The following ZNF592 variants were observed in gnomAD, a reference collection of about 807,000 sequenced individuals.
The protein encoded by ZNF592 is spinocerebellar ataxia, autosomal recessive 5.
ZNF592 carries 11 observed loss-of-function variants against 80.3 expected under a neutral mutation model. That is an observed-to-expected ratio of 0.14 (90% CI 0.09 to 0.23). ZNF592 has a LOEUF of 0.23. Among genes scored for constraint, ZNF592 ranks in the 10% least tolerant of loss-of-function variants. ZNF592 has a pLI of 1.00. For missense variants in ZNF592, 1,420 were observed against 1,633.9 expected (o/e 0.87, Z 2.26); for synonymous variants, 646 against 640.3 (o/e 1.01, Z -0.13).
chr15:84,772,243 C>T (rs953962598), intron 2 of ZNF592, among the ~76,000 whole-genome samples: 2 of 152,094 alleles, frequency 1.3e-5, no homozygotes, highest in African/African-American at 2.4e-5. Flanking sequence ...AGTGGTGTCT[C>T]GATGATTAAT....
In ZNF592 at chr15:84,784,879, A is replaced by G; in HGVS notation, c.2204A>G (p.Glu735Gly). The change falls in exon 4 of 11, where the codon GAG (glutamate) becomes GGG (glycine). Residue 735 changes from glutamate (E) to glycine (G), a missense_variant. Physicochemically the swap from Glu to Gly is moderately conservative, Grantham distance 98 (BLOSUM62 -2). This residue lies in a region of ZNF592 where 524 missense variants were observed against 628.3 expected (regional missense o/e 0.83). Transcript: ENST00000560079. This position sits in a 1 kb window ranked among gnomAD's most constrained non-coding sequence, Gnocchi z 5.8. ...VLAAHFQRTT[E>G]ETEGLTCQVC... Reference sequence around the variant, plus strand: ...GCTGCACATTTCCAGAGGACAACAGAGGAGACAGAGGGGCTGGTAAGCAGA... The same window carrying G: ...GCTGCACATTTCCAGAGGACAACAGGGGAGACAGAGGGGCTGGTAAGCAGA... The G allele has an allele frequency of 1.2e-6, 2 of 1,614,138 alleles. No individual in the cohort carries two copies. The highest frequency in any genetic ancestry group is 1.7e-6 in the Non-Finnish European group (2 of 1,180,020).
rs756464643 is a variant in ZNF592, at chr15:84,783,441, A to G, written c.766A>G (p.Lys256Glu). ...SHPSNSIGES[K>E]GLARELGTCS... ...TCCTAGCAACAGTATTGGAGAGTCC[A>G]AGGGGCTTGCCCGGGAGCTTGGTAC... Residue 256 changes from lysine (K) to glutamate (E), a missense_variant, in exon 4 of 11, where the codon AAG becomes GAG. Lys to Glu is a moderately conservative substitution (Grantham distance 56, BLOSUM62 1). Around this residue, in one of 7 missense-constraint regions of ZNF592, gnomAD observed 373 missense variants for 355.5 expected, o/e 1.05. Transcript: ENST00000560079. The surrounding 1 kb of genome is among the most constrained non-coding windows in gnomAD (Gnocchi z 5.0). 8 of 1,614,062 alleles carry G rather than the reference A, an allele frequency of 5.0e-6. No individual in the cohort carries two copies. Among genetic ancestry groups the G allele is most frequent in the Admixed American group, 1.7e-5 (1 of 59,994 alleles).
chr15:84,765,421 AT>A (rs1899479464), intron 2 of ZNF592, among the ~76,000 whole-genome samples: 2 of 151,752 alleles, frequency 1.3e-5, no homozygotes, highest in Non-Finnish European at 2.9e-5. Context: ...ATTCTGTTTA[AT>A]TTTTTAAGGA....
At chr15:84,779,842 A>G (rs1191777041) in intron 3 of ZNF592, among the ~76,000 whole-genome samples, 3 of 152,118 alleles carry the variant, frequency 2.0e-5, no homozygotes, top group African/African-American at 7.2e-5. Flanking sequence ...GCAACTTCAT[A>G]TTAGATAATA....
chr15:84,759,205 C>T (rs1464284253), intron 1 of ZNF592, among the ~76,000 whole-genome samples: 2 of 152,172 alleles, frequency 1.3e-5, no homozygotes, highest in Non-Finnish European at 2.9e-5. Flanking sequence ...ACTTCGCCCT[C>T]CAGGATTTCC....
intron 1 of ZNF592, among the ~76,000 whole-genome samples, chr15:84,757,662 CTT>C (rs987513571): frequency 1.1e-4 from 15 of 137,848 alleles, no homozygotes; most frequent in Non-Finnish European, 9.5e-5. Context: ...TGCCATTAAT[CTT>C]TTTTTTTTTT....
At chr15:84,760,373 T>A (rs1475932578) in intron 1 of ZNF592, among the ~76,000 whole-genome samples, 1 of 152,204 alleles carries the variant, frequency 6.6e-6, no homozygotes, top group Admixed American at 6.5e-5. Context: ...GCTCTCTCAC[T>A]TCAGAACTGA....
At chr15:84,774,252 A>C (rs1024343200) in intron 2 of ZNF592, among the ~76,000 whole-genome samples, 3 of 152,234 alleles carry the variant, frequency 2.0e-5, no homozygotes, top group African/African-American at 7.2e-5. Flanking sequence ...TATTGCTTCT[A>C]CAAATACTTA....
At chr15:84,788,582 G>A (rs916289888) in intron 4 of ZNF592, among the ~76,000 whole-genome samples, 2 of 152,126 alleles carry the variant, frequency 1.3e-5, no homozygotes, top group African/African-American at 4.8e-5. Flanking sequence ...TACACGTAAT[G>A]TAAAATTTCC....
At chr15:84,751,215 A>G (rs902873502) in intron 1 of ZNF592, among the ~76,000 whole-genome samples, 7 of 152,242 alleles carry the variant, frequency 4.6e-5, no homozygotes, top group African/African-American at 1.7e-4. Flanking sequence ...AGACTTCTGC[A>G]TACATTATTG....
chr15:84,777,475 CAAAA>C (rs549871970), intron 2 of ZNF592, among the ~76,000 whole-genome samples: 1 of 55,116 alleles, frequency 1.8e-5, no homozygotes. Flanking sequence ...GACTCCGTCT[CAAAA>C]AAAAAAAAAA....
At chr15:84,761,675 A>T (rs1209336259) in intron 1 of ZNF592, among the ~76,000 whole-genome samples, 1 of 152,134 alleles carries the variant, frequency 6.6e-6, no homozygotes, top group African/African-American at 2.4e-5. Context: ...CCTTCACCTC[A>T]CGGGCTGTAA....
At chr15:84,750,089 A>C (rs974218046) in intron 1 of ZNF592, among the ~76,000 whole-genome samples, 6 of 152,148 alleles carry the variant, frequency 3.9e-5, no homozygotes, top group Non-Finnish European at 7.4e-5. Flanking sequence ...ATCGCCTGAG[A>C]TCAGGAGTTC....
intron 10 of ZNF592, 118 bp from the exon 11 acceptor site, chr15:84,801,745 G>A (rs1963100696): frequency 4.1e-6 from 6 of 1,461,898 alleles, no homozygotes; most frequent in African/African-American, 1.4e-5. Context: ...CAGCGTTCAG[G>A]GCTGGGGTGA....
chr15:84,801,815 A>G (rs768346060), intron 10 of ZNF592, 48 bp from the exon 11 acceptor site: 1 of 1,613,852 alleles, frequency 6.2e-7, no homozygotes, highest in South Asian at 1.1e-5. Context: ...CTAGGGGCTC[A>G]TGTCCAGGGC....
chr15:84,768,234 T>TTTC (rs1899593487), intron 2 of ZNF592, among the ~76,000 whole-genome samples: 36 of 131,416 alleles, frequency 2.7e-4, no homozygotes, highest in South Asian at 5.0e-4. Flanking sequence ...TTCTTTCTTT[T>TTTC]TTTTTTTTTT....
intron 1 of ZNF592, among the ~76,000 whole-genome samples, chr15:84,760,636 GGT>G (rs1225036462): frequency 6.6e-6 from 1 of 152,102 alleles, no homozygotes; most frequent in Non-Finnish European, 1.5e-5. Context: ...GCATGTCTGC[GGT>G]GTGTGTGTGG....
At chr15:84,796,269 A>T (rs1287814750) in intron 5 of ZNF592, among the ~76,000 whole-genome samples, 78 of 48,164 alleles carry the variant, frequency 1.6e-3, no homozygotes, top group South Asian at 6.1e-3. Context: ...TATATATTTT[A>T]TATATATATA....
In ZNF592 at chr15:84,803,045, G is replaced by C. The variant is rs1235841918; in HGVS notation, c.*652G>C. The C allele has an allele frequency of 6.5e-6, 1 of 153,020 alleles. No individual in the cohort carries two copies. The highest frequency in any genetic ancestry group is 6.5e-5 in the Admixed American group (1 of 15,376). The allele number at this position is 153,020 out of a possible 1,614,324, so 9.5% of individuals were successfully genotyped here. ...TGCTGCACACCTCTGTTTGGAACCT[G>C]GGCAGAGCAGGAGGTAAGGCAAAGG... On this transcript the variant is annotated 3_prime_UTR_variant, in exon 11 of 11. Coordinates refer to ENST00000560079, the MANE Select transcript of ZNF592 (RefSeq NM_014630.3).
Sources: allele counts gnomAD v4.1 joint callset (sites outside exome capture counted in the v4.1 genomes callset), GRCh38; gene constraint gnomAD v4.1.1; regional missense constraint gnomAD v4.1.1; non-coding constraint Gnocchi (gnomAD v3.1); transcripts MANE v1.5; gene names NCBI Gene and HGNC (gene_info 2026-07-23, HGNC 2026-07-21).